SENP6: variants seen among roughly 807,000 people sequenced by gnomAD.
SENP6 encodes the protein SUMO specific peptidase 6, also known as sentrin-specific protease 6.
Under a neutral mutation model 134.5 loss-of-function variants are expected in SENP6, and 41 were observed. The observed-to-expected ratio is 0.30, with a 90% CI of 0.24 to 0.40. SENP6 has a LOEUF of 0.40. Ranked by LOEUF, SENP6 falls within the 10% of genes least tolerant of loss-of-function variation. The pLI, the probability that SENP6 is intolerant of heterozygous loss-of-function variation, is 1.00. For synonymous variants in SENP6, 395 were observed against 429.8 expected, an observed-to-expected ratio of 0.92 and a Z score of 1.00; for missense variants, 1,248 against 1,312.5, an observed-to-expected ratio of 0.95 and a Z score of 0.76.
rs1173371504 is a variant in SENP6, at chr6:75,697,653, G to T, written c.2288+136G>T. The T allele has an allele frequency of 6.6e-6, 4 of 605,306 alleles. No individual in the cohort carries two copies. The East Asian group carries it at 1.1e-4, about 17-fold the overall frequency. 37.5% of individuals were successfully genotyped at this position (605,306 alleles called of 1,614,324 possible). A position where few individuals can be genotyped will look rare whatever the true frequency, so the allele number is the denominator to read the frequency against. ...TCTTGTGTATATTCATATTTGTACTGCCTGTTTTACAAGAATTAATGCAGT... is the reference window on the plus strand; with the variant it reads ...TCTTGTGTATATTCATATTTGTACTTCCTGTTTTACAAGAATTAATGCAGT... On this transcript the variant is annotated intron_variant, in intron 18 of 23. Coordinates refer to ENST00000447266, the MANE Select transcript of SENP6 (RefSeq NM_015571.4).
chr6:75,676,609 G>C (rs1278450225), intron 13 of SENP6: 2 of 156,644 alleles, frequency 1.3e-5, no homozygotes, highest in African/African-American at 4.8e-5. Flanking sequence ...CACTAAATTT[G>C]CAAGAGTTGG....
Position 75,661,076 on chromosome 6 carries a change from C to G in SENP6, c.696+1669C>G, listed in dbSNP as rs181879166. Among the ~76,000 whole-genome samples the G allele has an allele frequency of 5.3e-5, 8 of 152,220 alleles. No individual in the cohort carries two copies. In the East Asian group the frequency reaches 1.5e-3, roughly 29 times the overall value. On this transcript the variant is annotated intron_variant, in intron 8 of 23. Transcript: ENST00000447266. ...TTCATTCACATGGGTATTATTGTTT[C>G]TCGGCCTTCTCAGTGGACAAAGCTA... is the stretch of plus-strand genomic sequence containing the variant.
At chr6:75,649,280 G>A (rs1369127794) in intron 7 of SENP6, among the ~76,000 whole-genome samples, 7 of 151,950 alleles carry the variant, frequency 4.6e-5, no homozygotes, top group Middle Eastern at 3.4e-3. Flanking sequence ...GCATCACTAC[G>A]CTCCAGCCTG....
chr6:75,614,379 C>A (rs1767693155), intron 1 of SENP6, among the ~76,000 whole-genome samples: 1 of 151,664 alleles, frequency 6.6e-6, no homozygotes, highest in Non-Finnish European at 1.5e-5. Flanking sequence ...CATTCTTCTG[C>A]CTCAGCCTCC....
intron 1 of SENP6, among the ~76,000 whole-genome samples, chr6:75,603,891 G>A (rs115532429): frequency 5.7e-4 from 87 of 152,282 alleles, no homozygotes; most frequent in African/African-American, 2.1e-3. Context: ...CCTAGTAAGA[G>A]TAAGAAAAGC....
chr6:75,713,609 GATGGGGATGAAGAACT>G, intron 22 of SENP6, 28 bp downstream of exon 22: 27 of 1,605,520 alleles, frequency 1.7e-5, no homozygotes, highest in Non-Finnish European at 2.2e-5. Context: ...TTCGTATTCT[GATGGGGATGAAGAACT>G]ATGTATATTT....
At chr6:75,623,850 T>C (rs750593342) in intron 2 of SENP6, 50 bp from the exon 3 acceptor site, 12 of 1,472,304 alleles carry the variant, frequency 8.2e-6, no homozygotes, top group South Asian at 1.2e-5. Flanking sequence ...GAATTTAATA[T>C]AAGGATTGTG....
intron 1 of SENP6, among the ~76,000 whole-genome samples, chr6:75,613,257 T>G (rs1196946804): frequency 2.0e-5 from 3 of 152,124 alleles, no homozygotes; most frequent in Admixed American, 6.5e-5. Flanking sequence ...TCATGACACA[T>G]GAAAATTACA....
chr6:75,685,979 A>G, intron 16 of SENP6, among the ~76,000 whole-genome samples: 1 of 152,052 alleles, frequency 6.6e-6, no homozygotes, highest in African/African-American at 2.4e-5. Context: ...TGATCTGTCT[A>G]ATGTTGACAG....
At chr6:75,628,579 T>TA (rs1184175224) in intron 3 of SENP6, among the ~76,000 whole-genome samples, 1 of 152,204 alleles carries the variant, frequency 6.6e-6, no homozygotes, top group African/African-American at 2.4e-5. Flanking sequence ...TACTCTTTCT[T>TA]AAAAATTGAC....
chr6:75,686,026 G>A (rs1389931016), intron 16 of SENP6, among the ~76,000 whole-genome samples: 1 of 152,144 alleles, frequency 6.6e-6, no homozygotes, highest in African/African-American at 2.4e-5. Flanking sequence ...TTGTGTGGGA[G>A]TCTAAGTCTC....
chr6:75,653,101 G>T (rs1771035075), intron 7 of SENP6, among the ~76,000 whole-genome samples: 1 of 152,058 alleles, frequency 6.6e-6, no homozygotes, highest in East Asian at 1.9e-4. Context: ...CGCAATCTCA[G>T]CTCACCGCAA....
chr6:75,653,798 C>T (rs943573740), intron 7 of SENP6, among the ~76,000 whole-genome samples: 11 of 152,102 alleles, frequency 7.2e-5, no homozygotes, highest in East Asian at 3.9e-4. Context: ...GGAAACTCCA[C>T]GGCTAGATAG....
At position 75,711,376 on chromosome 6, in the gene SENP6, G is replaced by A; in HGVS notation, c.2869G>A (p.Glu957Lys). The A allele has an allele frequency of 6.2e-7, 1 of 1,613,388 alleles. No homozygotes were observed. Among genetic ancestry groups the A allele is most frequent in the Non-Finnish European group, 8.5e-7 (1 of 1,179,532 alleles). Residue 957 changes from glutamate to lysine, a missense_variant, in exon 21 of 24, where the codon GAA becomes AAA. Physicochemically the swap from Glu to Lys is moderately conservative, Grantham distance 56. Around this residue, in one of 3 missense-constraint regions of SENP6, gnomAD observed 386 missense variants for 395.0 expected, o/e 0.98. Coordinates refer to ENST00000447266, the MANE Select transcript of SENP6 (RefSeq NM_015571.4). ...CCTCGCTGATGACAACTGCAGTTCA[G>A]AAATAGGACAGTGGCATTTAAAGCC... Reference protein sequence around the residue: ...GFLADDNCSSEIGQWHLKPTI... With the variant: ...GFLADDNCSSKIGQWHLKPTI...
At chr6:75,678,993 T>C in intron 16 of SENP6, 66 bp downstream of exon 16, 1 of 803,896 alleles carries the variant, frequency 1.2e-6, no homozygotes. Context: ...ATGTCTTTGT[T>C]TTCCAGAGTC....
intron 1 of SENP6, among the ~76,000 whole-genome samples, chr6:75,612,811 G>A (rs1434669916): frequency 6.6e-6 from 1 of 152,076 alleles, no homozygotes; most frequent in African/African-American, 2.4e-5. Context: ...CCTAGGTCAG[G>A]TATCAGAAAA....
chr6:75,615,122 CTCAAGTGAT>C (rs981889086), intron 1 of SENP6, among the ~76,000 whole-genome samples: 4 of 152,046 alleles, frequency 2.6e-5, no homozygotes, highest in African/African-American at 9.7e-5. Context: ...AATGCCTGAC[CTCAAGTGAT>C]TCACCCACCT....
chr6:75,649,706 G>A lies in SENP6; in HGVS notation c.550+1905G>A, dbSNP rs112479884. Among the ~76,000 whole-genome samples, 8 of 152,144 alleles carry A rather than the reference G, an allele frequency of 5.3e-5. No individual in the cohort carries two copies. The South Asian group carries it at 1.0e-3, about 20-fold the overall frequency. ...TAATTTTTGTATTGTTAATAGAGACGAAGTTTCACCATGTTGGCCAGACTG... is the reference window on the plus strand; with the variant it reads ...TAATTTTTGTATTGTTAATAGAGACAAAGTTTCACCATGTTGGCCAGACTG... On this transcript the variant is annotated intron_variant, in intron 7 of 23. Transcript: ENST00000447266.
At chr6:75,616,811 C>T (rs1485653181) in intron 1 of SENP6, among the ~76,000 whole-genome samples, 2 of 150,256 alleles carry the variant, frequency 1.3e-5, no homozygotes, top group East Asian at 1.9e-4. Context: ...ATAAATATTA[C>T]GACGTCTCTT....
Sources: gnomAD v4.1 joint callset for allele counts (sites outside exome capture counted in the v4.1 genomes callset) on GRCh38, gnomAD v4.1.1 for gene constraint, gnomAD v4.1.1 regional missense constraint, MANE v1.5 for transcripts, NCBI Gene and HGNC (gene_info 2026-07-23, HGNC 2026-07-21) for gene names.